RANBP17: variants seen among roughly 807,000 people sequenced by gnomAD.
RANBP17 encodes RAN binding protein 17, also known as ran-binding protein 17.
RANBP17 carries 158 observed loss-of-function variants against 141.2 expected under a neutral mutation model. The ratio of observed to expected loss-of-function variants is 1.12; its 90% CI spans 0.98 to 1.28. The LOEUF is 1.28. RANBP17 is among the 50% of genes most tolerant of loss of function. The pLI, the probability that RANBP17 is intolerant of heterozygous loss-of-function variation, is 0.00. For synonymous variants in RANBP17, 430 were observed against 450.0 expected, an observed-to-expected ratio of 0.96 and a Z score of 0.56; for missense variants, 1,438 against 1,290.7, an observed-to-expected ratio of 1.11 and a Z score of -1.75.
chr5:171,059,101 C>A (rs1266193389), intron 14 of RANBP17, among the ~76,000 whole-genome samples: 1 of 151,774 alleles, frequency 6.6e-6, no homozygotes, highest in Admixed American at 6.6e-5. Context: ...AATTTTCTCC[C>A]ATTTTGTAGG....
chr5:171,079,483 G>C (rs897302004), intron 14 of RANBP17, among the ~76,000 whole-genome samples: 20 of 152,188 alleles, frequency 1.3e-4, no homozygotes, highest in Non-Finnish European at 2.4e-4. Context: ...AAACAGCATT[G>C]TATGTTGCAG....
In RANBP17 at chr5:171,199,789, A is replaced by C. The variant is rs1762197126; in HGVS notation, c.2142+16A>C. On this transcript the variant is annotated intron_variant, in intron 19 of 27. Transcript: ENST00000523189. ...AGATGTAAAGGTGGGTTTGTTTCCAAATATGAGGAATGACAGTTTTGTTTT... is the reference window on the plus strand; with the variant it reads ...AGATGTAAAGGTGGGTTTGTTTCCACATATGAGGAATGACAGTTTTGTTTT... The C allele has an allele frequency of 1.4e-6, 2 of 1,473,090 alleles. No individual in the cohort carries two copies. The highest frequency in any genetic ancestry group is 1.9e-6 in the Non-Finnish European group (2 of 1,061,154). 91.3% of individuals were successfully genotyped at this position (1,473,090 alleles called of 1,614,324 possible). A position where few individuals can be genotyped will look rare whatever the true frequency, so the allele number is the denominator to read the frequency against.
intron 14 of RANBP17, among the ~76,000 whole-genome samples, chr5:171,037,103 TG>T (rs956486456): frequency 2.6e-5 from 4 of 152,018 alleles, no homozygotes; most frequent in African/African-American, 9.7e-5. Flanking sequence ...CAGCATCTAT[TG>T]TTTTTTTTTC....
intron 14 of RANBP17, among the ~76,000 whole-genome samples, chr5:170,996,885 T>C (rs986519426): frequency 6.6e-6 from 1 of 152,174 alleles, no homozygotes; most frequent in Non-Finnish European, 1.5e-5. Context: ...AAAACTGCAT[T>C]TTGACTCCAA....
At chr5:171,257,805 A>G (rs76781587) in intron 24 of RANBP17, among the ~76,000 whole-genome samples, 2,935 of 152,232 alleles carry the variant, frequency 0.019, 41 homozygotes, top group Middle Eastern at 0.031. Flanking sequence ...CATTTATAAT[A>G]GCTATAAAAT....
intron 14 of RANBP17, among the ~76,000 whole-genome samples, chr5:171,079,032 G>C (rs1191309281): frequency 6.6e-6 from 1 of 152,102 alleles, no homozygotes; most frequent in Non-Finnish European, 1.5e-5. Context: ...TTCTGGAAAG[G>C]TTTCACCATT....
At chr5:171,003,528 G>A (rs182967671) in intron 14 of RANBP17, among the ~76,000 whole-genome samples, 6 of 152,280 alleles carry the variant, frequency 3.9e-5, no homozygotes, top group East Asian at 3.9e-4. Context: ...GAATTATGCC[G>A]AGGTAGGTAA....
chr5:170,959,089 A>C (rs1008469158), intron 13 of RANBP17, among the ~76,000 whole-genome samples: 1 of 152,144 alleles, frequency 6.6e-6, no homozygotes, highest in Non-Finnish European at 1.5e-5. Context: ...AATGTAATCC[A>C]CTAGTGCTAG....
At chr5:170,888,961 T>C (rs1769381147) in intron 3 of RANBP17, among the ~76,000 whole-genome samples, 2 of 152,166 alleles carry the variant, frequency 1.3e-5, no homozygotes, top group Admixed American at 1.3e-4. Flanking sequence ...TTTCTGCATC[T>C]ATTTATGTTA....
At chr5:171,193,422 G>A (rs1367462528) in intron 18 of RANBP17, among the ~76,000 whole-genome samples, 1 of 150,520 alleles carries the variant, frequency 6.6e-6, no homozygotes, top group African/African-American at 2.4e-5. Flanking sequence ...GCCCCAGGTT[G>A]TATTTCAGAT....
intron 12 of RANBP17, among the ~76,000 whole-genome samples, chr5:170,950,381 A>C (rs796820454): frequency 3.3e-5 from 5 of 152,020 alleles, no homozygotes; most frequent in African/African-American, 1.2e-4. Context: ...AGTAAAAAAA[A>C]CAAAAACAAA....
intron 14 of RANBP17, among the ~76,000 whole-genome samples, chr5:171,130,327 C>T (rs1184369525): frequency 6.6e-6 from 1 of 151,318 alleles, no homozygotes; most frequent in Non-Finnish European, 1.5e-5. Context: ...AAATGTCATT[C>T]ATCATTTTCA....
intron 25 of RANBP17, among the ~76,000 whole-genome samples, chr5:171,282,771 C>A (rs1392518075): frequency 1.3e-5 from 2 of 152,130 alleles, no homozygotes; most frequent in African/African-American, 4.8e-5. Flanking sequence ...TGAGCCACCG[C>A]ACCTGGCTGA....
At chr5:170,912,715 A>G (rs553205528) in intron 7 of RANBP17, among the ~76,000 whole-genome samples, 1 of 151,870 alleles carries the variant, frequency 6.6e-6, no homozygotes, top group South Asian at 2.1e-4. Flanking sequence ...AAAAAAACCA[A>G]GAAAACTAGA....
intron 13 of RANBP17, among the ~76,000 whole-genome samples, chr5:170,958,803 C>T (rs1775926097): frequency 6.6e-6 from 1 of 152,080 alleles, no homozygotes; most frequent in African/African-American, 2.4e-5. Flanking sequence ...CTACTTTAAA[C>T]ATAGCAAATA....
chr5:170,988,060 A>G (rs999839769), intron 14 of RANBP17, among the ~76,000 whole-genome samples: 1 of 151,732 alleles, frequency 6.6e-6, no homozygotes, highest in African/African-American at 2.4e-5. Flanking sequence ...GAAGAATTCA[A>G]AGATGATGAT....
chr5:171,069,119 G>C (rs541357597), intron 14 of RANBP17, among the ~76,000 whole-genome samples: 19 of 152,246 alleles, frequency 1.2e-4, no homozygotes, highest in Non-Finnish European at 2.1e-4. Flanking sequence ...TAGGTGTTCT[G>C]TTTCTTTAAA....
chr5:171,005,982 G>T (rs1225595715), intron 14 of RANBP17, among the ~76,000 whole-genome samples: 1 of 152,124 alleles, frequency 6.6e-6, no homozygotes, highest in Non-Finnish European at 1.5e-5. Flanking sequence ...GCAGCCAAAA[G>T]ACACATGAAA....
intron 14 of RANBP17, among the ~76,000 whole-genome samples, chr5:171,040,106 C>CA (rs1040685951): frequency 1.1e-4 from 16 of 151,722 alleles, no homozygotes; most frequent in Non-Finnish European, 2.1e-4. Context: ...TGAACGTGGA[C>CA]AAAAAAAATC....
Sources: gnomAD v4.1 joint callset for allele counts (sites outside exome capture counted in the v4.1 genomes callset) on GRCh38, gnomAD v4.1.1 for gene constraint, MANE v1.5 for transcripts, NCBI Gene and HGNC (gene_info 2026-07-23, HGNC 2026-07-21) for gene names.